The following INTS8 variants were observed in gnomAD, a reference collection of about 807,000 sequenced individuals.
INTS8 encodes the protein integrator complex subunit 8, also known as protein kaonashi-1.
INTS8 carries 47 observed loss-of-function variants against 138.9 expected under a neutral mutation model. The observed-to-expected ratio is 0.34, with a 90% confidence interval of 0.27 to 0.43. The LOEUF (loss-of-function observed/expected upper bound fraction) is 0.43. Among genes scored for constraint, INTS8 ranks in the 20% least tolerant of loss-of-function variants. The pLI, the probability that INTS8 is intolerant of heterozygous loss-of-function variation, is 1.00. For synonymous variants in INTS8, 392 were observed against 400.9 expected, an observed-to-expected ratio of 0.98 and a Z score of 0.27; for missense variants, 996 against 1,173.0, an observed-to-expected ratio of 0.85 and a Z score of 2.20.
chr8:94,838,586 G>A lies in INTS8; in HGVS notation c.985G>A (p.Val329Ile). 1 of 1,613,264 alleles carries A rather than the reference G, an allele frequency of 6.2e-7. No homozygotes were observed. The highest frequency in any genetic ancestry group is 8.5e-7 in the Non-Finnish European group (1 of 1,179,282). The change falls in exon 8 of 27, where the codon GTC (valine) becomes ATC (isoleucine). Residue 329 changes from valine (V) to isoleucine (I), a missense_variant. Physicochemically the swap from Val to Ile is conservative, Grantham distance 29. Transcript: ENST00000523731. The stretch of plus-strand genomic sequence containing the variant: ...TCAACAGTTGACTCCATATAGTCAA[G>A]TCCATATTTGTTTGAGATCTGGCAA... ...TSQQLTPYSQVHICLRSGNYQ... is the reference protein window; with the variant it reads ...TSQQLTPYSQIHICLRSGNYQ...
At chr8:94,832,300 T>C in intron 6 of INTS8, 126 bp downstream of exon 6, 1 of 666,022 alleles carries the variant, frequency 1.5e-6, no homozygotes, top group Non-Finnish European at 2.5e-6. Context: ...AAAACTGCAT[T>C]GTATTTAATT....
chr8:94,840,950 TCA>T (rs1815112586), intron 8 of INTS8, among the ~76,000 whole-genome samples: 1 of 151,060 alleles, frequency 6.6e-6, no homozygotes, highest in Non-Finnish European at 1.5e-5. Flanking sequence ...TATTGCTCTG[TCA>T]CCCAGGCTGG....
At chr8:94,855,323 A>G (rs1234508599) in intron 14 of INTS8, among the ~76,000 whole-genome samples, 1 of 152,174 alleles carries the variant, frequency 6.6e-6, no homozygotes, top group Non-Finnish European at 1.5e-5. Flanking sequence ...AAAAGTTGGG[A>G]TGTTTTGCAT....
rs559310045 is a variant in INTS8, at chr8:94,874,669, C to T, written c.2688+67C>T. 3.1e-4 allele frequency: 271 copies of T among 882,380 alleles called. 2 individuals carry two copies. The African/African-American group carries it at 3.9e-3, about 13-fold the overall frequency. 54.7% of individuals were successfully genotyped at this position (882,380 alleles called of 1,614,324 possible). A position where few individuals can be genotyped will look rare whatever the true frequency, so the allele number is the denominator to read the frequency against. ...GTTAGAGTTTATAATAAATATAAAG[C>T]ATTGAACTGGAAATTAGCTTTTATT... On this transcript the variant is annotated intron_variant, in intron 23 of 26. Coordinates refer to ENST00000523731, the MANE Select transcript of INTS8 (RefSeq NM_017864.4).
intron 8 of INTS8, among the ~76,000 whole-genome samples, chr8:94,840,565 T>TG (rs1815096880): frequency 6.6e-6 from 1 of 150,398 alleles, no homozygotes; most frequent in African/African-American, 2.4e-5. Flanking sequence ...ATTAGTTTTT[T>TG]TTTTTTTTTT....
chr8:94,834,362 GGTGTGT>G (rs35147334), intron 6 of INTS8, among the ~76,000 whole-genome samples: 1,521 of 144,536 alleles, frequency 0.011, 18 homozygotes, highest in Middle Eastern at 0.021. Flanking sequence ...TATGTGCATG[GGTGTGT>G]GTGTGTGTGT....
chr8:94,829,401 G>A lies in INTS8; in HGVS notation c.570+375G>A, dbSNP rs192790010. On this transcript the variant is annotated intron_variant, in intron 5 of 26. Coordinates refer to ENST00000523731, the MANE Select transcript of INTS8 (RefSeq NM_017864.4). ...AGGACACAACATGGATCCCTCGCGT[G>A]TGTAGTTCACGATAGGGTTTGCGCT... Among the ~76,000 whole-genome samples, 67 of 152,158 alleles carry A rather than the reference G, an allele frequency of 4.4e-4. 1 individual carries two copies. The highest frequency in any genetic ancestry group is 3.8e-3 in the Admixed American group (58 of 15,250).
In INTS8 at chr8:94,867,336, A is replaced by G; in HGVS notation, c.2413A>G (p.Asn805Asp). Residue 805 changes from asparagine to aspartate, a missense_variant and splice_region_variant, in exon 20 of 27, where the codon AAC becomes GAC. Physicochemically the swap from Asn to Asp is conservative, Grantham distance 23. Coordinates refer to ENST00000523731, the MANE Select transcript of INTS8 (RefSeq NM_017864.4). ...TTCTATTTGGCCATCTTCCATTCCC[A>G]AGTAAGTAGTGGTATAGCTTTTATT... is the stretch of plus-strand genomic sequence containing the variant. The part of the protein sequence containing the change: ...HISIWPSSIP[N>D]LQSVDFEAVA... The G allele has an allele frequency of 6.2e-7, 1 of 1,605,670 alleles. No individual in the cohort carries two copies. The highest frequency in any genetic ancestry group is 2.2e-5 in the East Asian group (1 of 44,758).
In INTS8 at chr8:94,880,474, C is replaced by A; in HGVS notation, c.*240C>A. ...CATATCTGATAACAAAATAAACTAG[C>A]AATCTAGTTTTCTAATCTACTTTAT... is the stretch of plus-strand genomic sequence containing the variant. On this transcript the variant is annotated 3_prime_UTR_variant, in exon 27 of 27. Coordinates refer to ENST00000523731, the MANE Select transcript of INTS8 (RefSeq NM_017864.4). 1 of 315,602 alleles carries A rather than the reference C, an allele frequency of 3.2e-6. No homozygotes were observed. The allele number at this position is 315,602 out of a possible 1,614,324, so 19.6% of individuals were successfully genotyped here.
At chr8:94,849,644 A>C (rs757385158) in intron 11 of INTS8, 112 bp downstream of exon 11, 103 of 684,272 alleles carry the variant, frequency 1.5e-4, no homozygotes, top group Non-Finnish European at 2.2e-4. Flanking sequence ...TTAACCAGGC[A>C]GTAACTGGTG....
At chr8:94,857,101 G>A in intron 15 of INTS8, 123 bp downstream of exon 15, 2 of 707,320 alleles carry the variant, frequency 2.8e-6, no homozygotes, top group Non-Finnish European at 2.3e-6. Context: ...GAGATGGAGT[G>A]TAGCTCTGTC....
At chr8:94,864,205 C>A (rs918862270) in intron 16 of INTS8, among the ~76,000 whole-genome samples, 5 of 151,330 alleles carry the variant, frequency 3.3e-5, no homozygotes, top group African/African-American at 1.2e-4. Context: ...TTTTTCATAA[C>A]AAAAAAATGT....
rs137877850 is a variant in INTS8, at chr8:94,830,466, C to T, written c.570+1440C>T. ...AAAATGACTGGCACATTGAAGTATA[C>T]AGATATTTCTTGAATAAATCAAGTG... On this transcript the variant is annotated intron_variant, in intron 5 of 26. Coordinates refer to ENST00000523731, the MANE Select transcript of INTS8 (RefSeq NM_017864.4). Among the ~76,000 whole-genome samples the T allele has an allele frequency of 7.2e-3, 1,099 of 152,242 alleles. 6 individuals carry two copies. Among genetic ancestry groups the T allele is most frequent in the African/African-American group, 0.025 (1,048 of 41,534 alleles).
chr8:94,846,419 C>G (rs956507208), intron 10 of INTS8, among the ~76,000 whole-genome samples: 2 of 152,170 alleles, frequency 1.3e-5, no homozygotes, highest in East Asian at 1.9e-4. Context: ...GGACTACAGG[C>G]ATGTGCCACC....
At chr8:94,833,689 A>G (rs1235676807) in intron 6 of INTS8, among the ~76,000 whole-genome samples, 1 of 152,248 alleles carries the variant, frequency 6.6e-6, no homozygotes, top group Non-Finnish European at 1.5e-5. Flanking sequence ...CAAACTATCA[A>G]ATGTTCTTTT....
chr8:94,878,676 C>T (rs112055136), intron 26 of INTS8, among the ~76,000 whole-genome samples: 131 of 152,246 alleles, frequency 8.6e-4, no homozygotes, highest in African/African-American at 2.9e-3. Flanking sequence ...GTGCCTCCAC[C>T]TCCAGCCCCC....
chr8:94,865,357 A>T, intron 16 of INTS8, 149 bp from the exon 17 acceptor site: 2 of 610,424 alleles, frequency 3.3e-6, no homozygotes, highest in East Asian at 5.6e-5. Context: ...TAAATTCCTC[A>T]AAGGTTGTAC....
In INTS8 at chr8:94,880,389, A is replaced by G; in HGVS notation, c.*155A>G. 2.0e-6 allele frequency: 1 copy of G among 495,940 alleles called. No individual in the cohort carries two copies. Among genetic ancestry groups the G allele is most frequent in the South Asian group, 3.3e-5 (1 of 29,916 alleles). The allele number at this position is 495,940 out of a possible 1,614,324, so 30.7% of individuals were successfully genotyped here. A position where few individuals can be genotyped will look rare whatever the true frequency, so the allele number is the denominator to read the frequency against. On this transcript the variant is annotated 3_prime_UTR_variant, in exon 27 of 27. Coordinates refer to ENST00000523731, the MANE Select transcript of INTS8 (RefSeq NM_017864.4). ...AAATATTAGTTTAAAAACAAACTAT[A>G]CAGAAGACTTCATACCGTAACAATA... is the stretch of plus-strand genomic sequence containing the variant.
intron 26 of INTS8, among the ~76,000 whole-genome samples, chr8:94,878,091 C>T (rs73697043): frequency 0.026 from 4,031 of 152,210 alleles, 158 homozygotes; most frequent in African/African-American, 0.091. Flanking sequence ...TCCTTTACCT[C>T]ACCTGGGAAA....
Sources: allele counts gnomAD v4.1 joint callset (sites outside exome capture counted in the v4.1 genomes callset), GRCh38; gene constraint gnomAD v4.1.1; transcripts MANE v1.5; gene names NCBI Gene and HGNC (gene_info 2026-07-23, HGNC 2026-07-21).